LIN9: variants seen among roughly 807,000 people sequenced by gnomAD.
LIN9 encodes lin-9 DREAM MuvB core complex component.
Under a neutral mutation model 78.0 loss-of-function variants are expected in LIN9, and 18 were observed. That is an observed-to-expected ratio of 0.23 (90% CI 0.16 to 0.34). The LOEUF (loss-of-function observed/expected upper bound fraction) is 0.34, where lower values mean the gene tolerates loss of function less well. Among genes scored for constraint, LIN9 ranks in the 10% least tolerant of loss-of-function variants. LIN9 has a pLI of 1.00. For missense variants in LIN9, 451 were observed against 644.1 expected (o/e 0.70, Z 3.25); for synonymous variants, 192 against 215.2 (o/e 0.89, Z 0.94).
At chr1:226,298,352 T>C (rs1044844664) in intron 2 of LIN9, among the ~76,000 whole-genome samples, 2 of 152,096 alleles carry the variant, frequency 1.3e-5, no homozygotes, top group Non-Finnish European at 2.9e-5. Flanking sequence ...GGATTACAGG[T>C]GTGTGCCACC....
chr1:226,306,416 G>A (rs150631149), intron 1 of LIN9, among the ~76,000 whole-genome samples: 60 of 152,236 alleles, frequency 3.9e-4, no homozygotes, highest in African/African-American at 1.3e-3. Flanking sequence ...GGAACCATTC[G>A]AATCACTAGA....
intron 11 of LIN9, among the ~76,000 whole-genome samples, chr1:226,250,244 A>G (rs1032568377): frequency 6.6e-6 from 1 of 152,148 alleles, no homozygotes; most frequent in African/African-American, 2.4e-5. Flanking sequence ...CTCATTAGAT[A>G]ATAAATTAGG....
chr1:226,246,070 G>A (rs1576285382), intron 11 of LIN9, among the ~76,000 whole-genome samples: 1 of 152,286 alleles, frequency 6.6e-6, no homozygotes. Context: ...TGCCACAAGA[G>A]TTATTTAATG....
chr1:226,249,511 TA>T (rs144837942), intron 11 of LIN9, among the ~76,000 whole-genome samples: 2 of 152,064 alleles, frequency 1.3e-5, no homozygotes, highest in African/African-American at 4.8e-5. Context: ...AATTTTTGGA[TA>T]AAAAAAATTC....
At chr1:226,290,958 T>C (rs951674117) in intron 4 of LIN9, among the ~76,000 whole-genome samples, 3 of 151,960 alleles carry the variant, frequency 2.0e-5, no homozygotes, top group Admixed American at 1.3e-4. Flanking sequence ...GGTTTTGCCA[T>C]GTTGGCCAGG....
In LIN9 at chr1:226,232,299, T is replaced by C; in HGVS notation, c.*202A>G. ...GTAACATAAGCAATGCTACTGCATC[T>C]GAATAATAAAAGAAAAATAAATATA... On this transcript the variant is annotated 3_prime_UTR_variant, in exon 15 of 15. Coordinates refer to ENST00000681046, the MANE Select transcript of LIN9 (RefSeq NM_001366245.2). The C allele has an allele frequency of 2.4e-6, 1 of 413,174 alleles. No individual in the cohort carries two copies. Among genetic ancestry groups the C allele is most frequent in the East Asian group, 3.5e-5 (1 of 28,788 alleles). The allele number at this position is 413,174 out of a possible 1,614,324, so 25.6% of individuals were successfully genotyped here.
intron 1 of LIN9, among the ~76,000 whole-genome samples, chr1:226,302,370 C>T (rs1288172318): frequency 6.6e-6 from 1 of 151,998 alleles, no homozygotes; most frequent in African/African-American, 2.4e-5. Context: ...GGTGAAAACC[C>T]GTCTCTACTA....
intron 7 of LIN9, among the ~76,000 whole-genome samples, chr1:226,270,384 A>G (rs1329197938): frequency 1.3e-5 from 2 of 152,184 alleles, no homozygotes; most frequent in Non-Finnish European, 2.9e-5. Context: ...ATTAGAATAC[A>G]TAGTTGCTAC....
intron 11 of LIN9, among the ~76,000 whole-genome samples, chr1:226,249,003 G>A (rs892171954): frequency 1.3e-5 from 2 of 152,120 alleles, no homozygotes; most frequent in African/African-American, 4.8e-5. Flanking sequence ...CATCTCCTTG[G>A]TTTGCGAAAC....
At chr1:226,278,524 G>C (rs560660470) in intron 6 of LIN9, among the ~76,000 whole-genome samples, 4 of 151,950 alleles carry the variant, frequency 2.6e-5, no homozygotes, top group African/African-American at 9.7e-5. Context: ...TTCAAAAATA[G>C]GTTCTTAGAT....
chr1:226,286,401 A>G lies in LIN9; in HGVS notation c.456T>C (p.Asn152=). 1 of 1,612,484 alleles carries G rather than the reference A, an allele frequency of 6.2e-7. No homozygotes were observed. Among genetic ancestry groups the G allele is most frequent in the East Asian group, 2.2e-5 (1 of 44,844 alleles). The change falls in exon 6 of 15, where the codon AAT becomes AAC. Residue 152 remains asparagine (N), a synonymous_variant. Coordinates refer to ENST00000681046, the MANE Select transcript of LIN9 (RefSeq NM_001366245.2). ...CTCTTGTTAACTTTCTTGTTTTCAAATTAGGAAAAGATTCCTTTAGACATA... is the reference window on the plus strand; with the variant it reads ...CTCTTGTTAACTTTCTTGTTTTCAAGTTAGGAAAAGATTCCTTTAGACATA... ...FCVCLKESFP[N]LKTRKLTRVE...
chr1:226,233,052 A>G lies in LIN9; in HGVS notation c.1523+44T>C, dbSNP rs1399305169. On this transcript the variant is annotated intron_variant, in intron 14 of 14. Coordinates refer to ENST00000681046, the MANE Select transcript of LIN9 (RefSeq NM_001366245.2). Reference sequence around the variant, plus strand: ...CTTAAAACCTGGACTGAAAATTACTATGAACTTCACATTAAAATGATTAGA... The same window carrying G: ...CTTAAAACCTGGACTGAAAATTACTGTGAACTTCACATTAAAATGATTAGA... 4 of 1,172,078 alleles carry G rather than the reference A, an allele frequency of 3.4e-6. No homozygotes were observed. In the African/African-American group the frequency reaches 4.7e-5, roughly 14 times the overall value. 72.6% of individuals were successfully genotyped at this position (1,172,078 alleles called of 1,614,324 possible).
chr1:226,274,616 T>C (rs1344017436), intron 7 of LIN9, among the ~76,000 whole-genome samples: 1 of 152,268 alleles, frequency 6.6e-6, no homozygotes, highest in African/African-American at 2.4e-5. Flanking sequence ...CAATTACACA[T>C]ATGTTATCTT....
chr1:226,296,121 A>C (rs971004951), intron 3 of LIN9, among the ~76,000 whole-genome samples, 175 bp from the exon 4 acceptor site: 6 of 152,222 alleles, frequency 3.9e-5, no homozygotes, highest in African/African-American at 1.4e-4. Context: ...CAGATTTAGA[A>C]AGCAGTAAGA....
At position 226,235,542 on chromosome 1, in the gene LIN9, C is replaced by T. The variant is rs966959673; in HGVS notation, c.1246-2019G>A. ...TTTAGAATATTTGCATTATACTTAC[C>T]GGTTGAGAATCCCAAATACAAAACT... is the stretch of plus-strand genomic sequence containing the variant. On this transcript the variant is annotated intron_variant, in intron 12 of 14. Coordinates refer to ENST00000681046, the MANE Select transcript of LIN9 (RefSeq NM_001366245.2). Among the ~76,000 whole-genome samples, 9 of 152,094 alleles carry T rather than the reference C, an allele frequency of 5.9e-5. No individual in the cohort carries two copies. In the East Asian group the frequency reaches 1.4e-3, roughly 23 times the overall value.
chr1:226,271,876 G>A (rs10799344), intron 7 of LIN9, among the ~76,000 whole-genome samples: 107,007 of 151,948 alleles, frequency 0.7, 37,788 homozygotes, highest in East Asian at 0.74. Context: ...CTTGATGCCT[G>A]TTTTTCTCTG....
Position 226,287,008 on chromosome 1 carries a change from T to C in LIN9, c.399-550A>G, listed in dbSNP as rs139037255. On this transcript the variant is annotated intron_variant, in intron 5 of 14. Transcript: ENST00000681046. ...TGTTGGCAATGATACATAAATGCCT[T>C]GGGCTCAAATATGAACATTCATGAG... Among the ~76,000 whole-genome samples the C allele has an allele frequency of 4.2e-3, 643 of 152,260 alleles. 1 individual carries two copies. The highest frequency in any genetic ancestry group is 7.2e-3 in the Non-Finnish European group (489 of 68,022).
intron 7 of LIN9, among the ~76,000 whole-genome samples, chr1:226,269,945 T>C (rs1660159634): frequency 6.6e-6 from 1 of 152,164 alleles, no homozygotes; most frequent in Non-Finnish European, 1.5e-5. Context: ...TATTTTGAGA[T>C]GGGAGTCTCG....
intron 10 of LIN9, among the ~76,000 whole-genome samples, chr1:226,253,295 A>C (rs950752064): frequency 1.3e-5 from 2 of 151,474 alleles, no homozygotes; most frequent in African/African-American, 4.8e-5. Context: ...AAAGAAAGAA[A>C]GAAAAAAATG....
Sources: gnomAD v4.1 joint callset for allele counts (sites outside exome capture counted in the v4.1 genomes callset) on GRCh38, gnomAD v4.1.1 for gene constraint, MANE v1.5 for transcripts, NCBI Gene and HGNC (gene_info 2026-07-23, HGNC 2026-07-21) for gene names.